Variants in TBCK observed in about 807,000 individuals in gnomAD.
TBCK encodes TBC1 domain containing kinase, also known as TBC domain-containing protein kinase-like protein.
A neutral mutation model predicts 113.4 loss-of-function variants in TBCK; 99 were observed. The observed-to-expected ratio is 0.87, with a 90% CI of 0.74 to 1.03. The LOEUF is 1.03. Ranked by LOEUF, TBCK falls within the 50% of genes least tolerant of loss-of-function variation. The pLI, the probability that TBCK is intolerant of heterozygous loss-of-function variation, is 0.00. For synonymous variants in TBCK, 369 were observed against 370.8 expected (o/e 1.00, Z 0.05); for missense variants, 1,045 against 1,061.3 (o/e 0.98, Z 0.21).
chr4:106,193,534 TGCCAATGGC>T, intron 22 of TBCK, 66 bp downstream of exon 22: 1 of 1,533,510 alleles, frequency 6.5e-7, no homozygotes, highest in Admixed American at 1.8e-5. Flanking sequence ...TGGTTATTTT[TGCCAATGGC>T]TTAAGAATGT....
At chr4:106,132,536 A>G (rs2149625334) in intron 23 of TBCK, among the ~76,000 whole-genome samples, 1 of 152,348 alleles carries the variant, frequency 6.6e-6, no homozygotes, top group South Asian at 2.1e-4. Flanking sequence ...GCTGGGGCAG[A>G]GCTCTCATGG....
At chr4:106,166,110 A>T (rs1215198873) in intron 23 of TBCK, among the ~76,000 whole-genome samples, 5 of 151,736 alleles carry the variant, frequency 3.3e-5, no homozygotes, top group African/African-American at 9.7e-5. Context: ...AATTTTAATA[A>T]ATATTCTTTT....
intron 23 of TBCK, among the ~76,000 whole-genome samples, chr4:106,135,941 G>A (rs1251299233): frequency 7.1e-6 from 1 of 141,254 alleles, no homozygotes; most frequent in African/African-American, 2.5e-5. Context: ...GATATGTACT[G>A]CAGGATTTTT....
intron 23 of TBCK, among the ~76,000 whole-genome samples, chr4:106,142,601 T>C (rs2149655909): frequency 6.6e-6 from 1 of 152,304 alleles, no homozygotes; most frequent in East Asian, 1.9e-4. Flanking sequence ...AACAACTGTG[T>C]CTGTTGTTGC....
At chr4:106,119,659 A>G (rs1221890208) in intron 23 of TBCK, among the ~76,000 whole-genome samples, 2 of 152,212 alleles carry the variant, frequency 1.3e-5, no homozygotes, top group Non-Finnish European at 2.9e-5. Context: ...AAAACTAGAC[A>G]TAGAATTACA....
chr4:106,152,325 G>C (rs943815887), intron 23 of TBCK, among the ~76,000 whole-genome samples: 1 of 151,870 alleles, frequency 6.6e-6, no homozygotes, highest in Non-Finnish European at 1.5e-5. Context: ...TGTGTTTCCA[G>C]TATCAATTGA....
At position 106,093,406 on chromosome 4, in the gene TBCK, C is replaced by A. The variant is rs541061704; in HGVS notation, c.2571+2076G>T. 1.2e-4 allele frequency among the ~76,000 whole-genome samples: 19 copies of A among 152,214 alleles called. 1 individual carries two copies. The South Asian group carries it at 3.3e-3, about 27-fold the overall frequency. The stretch of plus-strand genomic sequence containing the variant: ...CCTGTAGTGCCAGCTACTCGGGAGG[C>A]TGAGGCAGGAGAATGGTGTGAATCT... On this transcript the variant is annotated intron_variant, in intron 25 of 25. Transcript: ENST00000394708.
Position 106,171,120 on chromosome 4 carries a change from C to A in TBCK, c.2210G>T (p.Cys737Phe), listed in dbSNP as rs1219698104. 6.2e-7 allele frequency: 1 copy of A among 1,610,500 alleles called. No homozygotes were observed. The highest frequency in any genetic ancestry group is 8.5e-7 in the Non-Finnish European group (1 of 1,178,802). ...RSSAPYFSAE[C>F]PDPPKTDLSR... is the part of the protein sequence containing the mutation. ...CAGATCTGTCTTTGGAGGATCTGGA[C>A]ACTCAGCAGAGAAATAAGGTGCCGA... Residue 737 changes from cysteine to phenylalanine, a missense_variant, in exon 23 of 26, where the codon TGT becomes TTT. By Grantham distance (205) the Cys-to-Phe change is radical. Transcript: ENST00000394708.
At chr4:106,112,423 G>C (rs971785932) in intron 24 of TBCK, among the ~76,000 whole-genome samples, 1 of 152,148 alleles carries the variant, frequency 6.6e-6, no homozygotes, top group Non-Finnish European at 1.5e-5. Context: ...TGCTTTAACA[G>C]TGTTTACTGA....
intron 3 of TBCK, among the ~76,000 whole-genome samples, chr4:106,293,241 G>T (rs145619337): frequency 6.6e-4 from 100 of 152,254 alleles, no homozygotes; most frequent in Non-Finnish European, 1.1e-3. Flanking sequence ...CTCCTTTTCA[G>T]CCTGCTTCCA....
At chr4:106,193,179 A>C (rs57168901) in intron 22 of TBCK, among the ~76,000 whole-genome samples, 6,863 of 152,206 alleles carry the variant, frequency 0.045, 518 homozygotes, top group African/African-American at 0.15. Flanking sequence ...GTCAAATCGT[A>C]AAATTGTTAG....
intron 23 of TBCK, among the ~76,000 whole-genome samples, chr4:106,125,229 T>C (rs1745040191): frequency 6.6e-6 from 1 of 152,112 alleles, no homozygotes; most frequent in Non-Finnish European, 1.5e-5. Flanking sequence ...GCTGGGTATA[T>C]ACCCAAAAGA....
At chr4:106,131,167 T>C (rs905466423) in intron 23 of TBCK, among the ~76,000 whole-genome samples, 7 of 152,224 alleles carry the variant, frequency 4.6e-5, no homozygotes, top group Non-Finnish European at 8.8e-5. Context: ...CACAAGCTCT[T>C]GCCTGCCGCC....
At chr4:106,061,654 CTGTGTTTCTGTGAGTGTG>C (rs1327711636) in intron 25 of TBCK, among the ~76,000 whole-genome samples, 1 of 147,928 alleles carries the variant, frequency 6.8e-6, no homozygotes, top group Non-Finnish European at 1.5e-5. Flanking sequence ...TGAGGTGTGC[CTGTGTTTCTGTGAGTGTG>C]TGTGTGTGTG....
chr4:106,229,334 G>A (rs923345829), intron 19 of TBCK, among the ~76,000 whole-genome samples: 5 of 151,928 alleles, frequency 3.3e-5, no homozygotes, highest in African/African-American at 1.2e-4. Flanking sequence ...CAACGTCCTG[G>A]AGAGCTTCCC....
At chr4:106,097,733 TG>T (rs1741094786) in intron 24 of TBCK, among the ~76,000 whole-genome samples, 4 of 152,152 alleles carry the variant, frequency 2.6e-5, no homozygotes, top group South Asian at 4.1e-4. Context: ...ATTTGAGAGG[TG>T]GTCAGATTAT....
At chr4:106,294,641 C>T (rs2125844583) in intron 3 of TBCK, among the ~76,000 whole-genome samples, 1 of 152,124 alleles carries the variant, frequency 6.6e-6, no homozygotes, top group African/African-American at 2.4e-5. Flanking sequence ...ACCACCACGT[C>T]CAGCTAATTT....
rs190849734 is a variant in TBCK at position 106,100,228 on chromosome 4, G to A, written c.2412-4587C>T. Among the ~76,000 whole-genome samples the A allele has an allele frequency of 2.6e-4, 40 of 152,114 alleles. 1 individual carries two copies. The highest frequency in any genetic ancestry group is 3.4e-3 in the Middle Eastern group (1 of 294). On this transcript the variant is annotated intron_variant, in intron 24 of 25. Coordinates refer to ENST00000394708, the MANE Select transcript of TBCK (RefSeq NM_001163435.3). ...GAACAATGTGTATTATATTTATTTC[G>A]TCTTTGAATCTCTTGCAAGGATTAA...
intron 24 of TBCK, among the ~76,000 whole-genome samples, chr4:106,100,321 A>G (rs947251131): frequency 1.3e-5 from 2 of 152,162 alleles, no homozygotes; most frequent in African/African-American, 4.8e-5. Flanking sequence ...CCAAACCTGG[A>G]GTAACTAGTA....
Sources: allele counts gnomAD v4.1 joint callset (sites outside exome capture counted in the v4.1 genomes callset), GRCh38; gene constraint gnomAD v4.1.1; transcripts MANE v1.5; gene names NCBI Gene and HGNC (gene_info 2026-07-23, HGNC 2026-07-21).